The following PACRG variants were observed in gnomAD, a reference collection of about 807,000 sequenced individuals.
PACRG encodes parkin coregulated.
Under a neutral mutation model 29.7 loss-of-function variants are expected in PACRG, and 29 were observed. The ratio of observed to expected loss-of-function variants is 0.98; its 90% confidence interval spans 0.73 to 1.33. The LOEUF (loss-of-function observed/expected upper bound fraction) is 1.33, where lower values mean the gene tolerates loss of function less well. PACRG is among the 40% of genes most tolerant of loss of function. The pLI, the probability that PACRG is intolerant of heterozygous loss-of-function variation, is 0.00. For missense variants in PACRG, 279 were observed against 316.2 expected (o/e 0.88, Z 0.89); for synonymous variants, 116 against 118.7 (o/e 0.98, Z 0.15).
At chr6:163,155,888 C>T (rs2128339967) in intron 4 of PACRG, among the ~76,000 whole-genome samples, 1 of 152,332 alleles carries the variant, frequency 6.6e-6, no homozygotes, top group Middle Eastern at 3.4e-3. Context: ...GCACACACCG[C>T]GCTGTTCAGG....
intron 2 of PACRG, among the ~76,000 whole-genome samples, chr6:162,886,546 G>A (rs1383919182): frequency 6.6e-6 from 1 of 152,192 alleles, no homozygotes; most frequent in African/African-American, 2.4e-5. Context: ...TCTCATTGAT[G>A]TGGCAGCAGC....
At chr6:162,839,570 T>G (rs1206367652) in intron 2 of PACRG, among the ~76,000 whole-genome samples, 1 of 152,122 alleles carries the variant, frequency 6.6e-6, no homozygotes, top group Non-Finnish European at 1.5e-5. Flanking sequence ...GGTAGTTTCT[T>G]TTGCTGTGCA....
At chr6:163,143,907 G>A (rs1401738800) in intron 4 of PACRG, among the ~76,000 whole-genome samples, 1 of 152,126 alleles carries the variant, frequency 6.6e-6, no homozygotes, top group African/African-American at 2.4e-5. Context: ...GTTTCCAACT[G>A]GATATTTTTC....
chr6:163,040,646 A>C (rs1299807011), intron 2 of PACRG, among the ~76,000 whole-genome samples: 1 of 152,182 alleles, frequency 6.6e-6, no homozygotes, highest in Non-Finnish European at 1.5e-5. Context: ...CTGGATGTAA[A>C]ATATGGAGTC....
chr6:163,060,355 A>G (rs1249233030), intron 2 of PACRG, among the ~76,000 whole-genome samples: 1 of 152,208 alleles, frequency 6.6e-6, no homozygotes, highest in Non-Finnish European at 1.5e-5. Flanking sequence ...AAAATTATCC[A>G]TAAAAACATT....
At chr6:162,989,463 A>T (rs1803218083) in intron 2 of PACRG, among the ~76,000 whole-genome samples, 1 of 152,194 alleles carries the variant, frequency 6.6e-6, no homozygotes, top group Non-Finnish European at 1.5e-5. Context: ...ATGAAATGAC[A>T]TAGTATTTGC....
At chr6:163,212,321 G>A (rs555486217) in intron 4 of PACRG, among the ~76,000 whole-genome samples, 76 of 152,158 alleles carry the variant, frequency 5.0e-4, no homozygotes, top group African/African-American at 7.5e-4. Flanking sequence ...GTGAGGGCCC[G>A]GGAGCAGTGG....
intron 4 of PACRG, among the ~76,000 whole-genome samples, chr6:163,210,021 C>A (rs1021272962): frequency 6.6e-6 from 1 of 152,148 alleles, no homozygotes; most frequent in East Asian, 1.9e-4. Context: ...CAGTTCTCTA[C>A]CAAATGTCTT....
chr6:162,896,379 C>T (rs1032179189), intron 2 of PACRG, among the ~76,000 whole-genome samples: 6 of 152,286 alleles, frequency 3.9e-5, no homozygotes, highest in South Asian at 2.1e-4. Context: ...ACGCTTACTG[C>T]GGACTGTGCT....
At chr6:162,887,489 GGTATC>G (rs1047706478) in intron 2 of PACRG, among the ~76,000 whole-genome samples, 14 of 152,106 alleles carry the variant, frequency 9.2e-5, no homozygotes, top group African/African-American at 3.1e-4. Flanking sequence ...CAGATGTTTT[GGTATC>G]GTATTGCATG....
chr6:162,807,880 C>T (rs910705814), intron 1 of PACRG, among the ~76,000 whole-genome samples: 3 of 152,232 alleles, frequency 2.0e-5, no homozygotes, highest in East Asian at 1.9e-4. Flanking sequence ...AATGTCTCTA[C>T]GTATCCGTAA....
intron 4 of PACRG, among the ~76,000 whole-genome samples, chr6:163,121,421 C>T (rs73786985): frequency 0.022 from 3,294 of 152,170 alleles, 129 homozygotes; most frequent in African/African-American, 0.075. Flanking sequence ...CTGTCTACCT[C>T]GGGGCTTCTG....
chr6:163,295,115 T>A (rs544649076), intron 4 of PACRG, among the ~76,000 whole-genome samples: 2 of 152,318 alleles, frequency 1.3e-5, no homozygotes, highest in East Asian at 1.9e-4. Context: ...AAAATTTAGG[T>A]CAAACCACAT....
chr6:163,224,211 A>G (rs7764637), intron 4 of PACRG, among the ~76,000 whole-genome samples: 3 of 151,450 alleles, frequency 2.0e-5, no homozygotes. Flanking sequence ...TCTACTAAAA[A>G]TACAAAAATT....
At position 162,777,864 on chromosome 6, in the gene PACRG, C is replaced by T. The variant is rs1450485952; in HGVS notation, c.157-36283C>T. ...AAAACCTCCCTACCTTCTTTCTTTC[C>T]TTCCTTCCCACCCTCCTTCCTTCTT... On this transcript the variant is annotated intron_variant, in intron 1 of 4. Coordinates refer to ENST00000366888, the MANE Select transcript of PACRG (RefSeq NM_001080379.2). The surrounding 1 kb of genome is among the most constrained non-coding windows in gnomAD (Gnocchi z 4.0). Among the ~76,000 whole-genome samples, 1 of 152,042 alleles carries T rather than the reference C, an allele frequency of 6.6e-6. No homozygotes were observed. The highest frequency in any genetic ancestry group is 1.9e-4 in the East Asian group (1 of 5,170).
chr6:163,214,950 T>C (rs1257350840), intron 4 of PACRG, among the ~76,000 whole-genome samples: 1 of 152,200 alleles, frequency 6.6e-6, no homozygotes, highest in African/African-American at 2.4e-5. Flanking sequence ...ATTTTTAACA[T>C]CAGAAATGAA....
At chr6:162,922,339 T>C (rs1797125183) in intron 2 of PACRG, among the ~76,000 whole-genome samples, 1 of 150,750 alleles carries the variant, frequency 6.6e-6, no homozygotes, top group Admixed American at 6.7e-5. Context: ...CCCCTCCTGC[T>C]CATGTCTAGC....
intron 4 of PACRG, among the ~76,000 whole-genome samples, chr6:163,187,132 G>T (rs1779978809): frequency 6.6e-6 from 1 of 152,170 alleles, no homozygotes; most frequent in Admixed American, 6.5e-5. Context: ...GTTTTCCTCT[G>T]AACACCAAAT....
At chr6:163,236,291 G>A (rs1184271003) in intron 4 of PACRG, among the ~76,000 whole-genome samples, 1 of 140,608 alleles carries the variant, frequency 7.1e-6, no homozygotes, top group Non-Finnish European at 1.6e-5. Flanking sequence ...TCCTCCTAGT[G>A]CCACCTTGAG....
Sources: allele counts gnomAD v4.1 joint callset (sites outside exome capture counted in the v4.1 genomes callset), GRCh38; gene constraint gnomAD v4.1.1; non-coding constraint Gnocchi (gnomAD v3.1); transcripts MANE v1.5; gene names NCBI Gene and HGNC (gene_info 2026-07-23, HGNC 2026-07-21).